Variants in ATP2C1 observed in about 807,000 individuals in gnomAD.
The protein encoded by ATP2C1 is ATPase secretory pathway Ca2+ transporting 1.
In ATP2C1, 31 loss-of-function variants were observed where a neutral mutation model predicts 120.5. That is an observed-to-expected ratio of 0.26 (90% CI 0.19 to 0.35). The LOEUF is 0.35. ATP2C1 is among the 10% of genes least tolerant of loss of function. The pLI is 1.00. For synonymous variants in ATP2C1, 351 were observed against 358.7 expected (o/e 0.98, Z 0.24); for missense variants, 731 against 1,107.5 (o/e 0.66, Z 4.83).
In ATP2C1 at chr3:130,894,567, G is replaced by T; in HGVS notation, c.-180-23G>T. ...CCTTCCTCAGCCTCTCGTCAGCGCC[G>T]CTTCTCCTGGTTTCTCTTGCAGATG... On this transcript the variant is annotated intron_variant, in intron 1 of 27. Transcript: ENST00000510168. The surrounding 1 kb of genome is among the most constrained non-coding windows in gnomAD (Gnocchi z 4.5). 7.7e-6 allele frequency: 11 copies of T among 1,433,284 alleles called. No homozygotes were observed. Among genetic ancestry groups the T allele is most frequent in the Non-Finnish European group, 1.0e-5 (11 of 1,092,782 alleles). 88.8% of individuals were successfully genotyped at this position (1,433,284 alleles called of 1,614,324 possible).
At chr3:130,905,093 C>T (rs1467893621) in intron 2 of ATP2C1, among the ~76,000 whole-genome samples, 3 of 151,928 alleles carry the variant, frequency 2.0e-5, no homozygotes, top group Non-Finnish European at 2.9e-5. Flanking sequence ...GCCATGGAAT[C>T]AACCATTTTT....
chr3:130,997,243 C>T (rs2062667714), intron 24 of ATP2C1, among the ~76,000 whole-genome samples: 1 of 152,050 alleles, frequency 6.6e-6, no homozygotes, highest in African/African-American at 2.4e-5. Context: ...GTCATTTGGC[C>T]ACTCCAGCAA....
chr3:130,974,318 A>G (rs2061453849), intron 17 of ATP2C1, among the ~76,000 whole-genome samples: 1 of 152,204 alleles, frequency 6.6e-6, no homozygotes, highest in African/African-American at 2.4e-5. Context: ...GTCCCCAAAT[A>G]TCTGCTCATT....
upstream of ATP2C1, among the ~76,000 whole-genome samples, chr3:130,893,457 G>A (rs112136224): frequency 5.2e-3 from 785 of 152,232 alleles, 6 homozygotes; most frequent in African/African-American, 0.018. Flanking sequence ...CGCGATTACC[G>A]GCTCCCCCAA....
chr3:131,009,529 G>A (rs2063238723), intron 26 of ATP2C1, among the ~76,000 whole-genome samples: 1 of 152,142 alleles, frequency 6.6e-6, no homozygotes, highest in Admixed American at 6.5e-5. Flanking sequence ...CTTCTTTCAT[G>A]TATTATCTCA....
chr3:130,995,727 G>A (rs969971048), intron 22 of ATP2C1, among the ~76,000 whole-genome samples: 73 of 152,212 alleles, frequency 4.8e-4, no homozygotes, highest in African/African-American at 1.6e-3. Flanking sequence ...TGCAACCTCC[G>A]CCTCCCGGGT....
intron 26 of ATP2C1, chr3:131,015,860 T>A (rs2063599226): frequency 2.0e-6 from 1 of 494,546 alleles, no homozygotes. Flanking sequence ...CTACCAATGA[T>A]TGCCTCCCCT....
At chr3:130,864,602 C>T (rs890226357) in intron 1 of ATP2C1, among the ~76,000 whole-genome samples, 1 of 152,218 alleles carries the variant, frequency 6.6e-6, no homozygotes, top group Non-Finnish European at 1.5e-5. Flanking sequence ...GTTTCGTGGG[C>T]TGGGCCCAGG....
chr3:130,894,557 C>T lies in ATP2C1; in HGVS notation c.-180-33C>T, dbSNP rs181664730. 9 of 1,425,096 alleles carry T rather than the reference C, an allele frequency of 6.3e-6. No homozygotes were observed. The highest frequency in any genetic ancestry group is 1.4e-5 in the African/African-American group (1 of 69,378). The allele number at this position is 1,425,096 out of a possible 1,614,324, so 88.3% of individuals were successfully genotyped here. ...GCGGGGAACTCCTTCCTCAGCCTCTCGTCAGCGCCGCTTCTCCTGGTTTCT... is the reference window on the plus strand; with the variant it reads ...GCGGGGAACTCCTTCCTCAGCCTCTTGTCAGCGCCGCTTCTCCTGGTTTCT... On this transcript the variant is annotated intron_variant, in intron 1 of 27. Coordinates refer to ENST00000510168, the MANE Select transcript of ATP2C1 (RefSeq NM_001378687.1). This position sits in a 1 kb window ranked among gnomAD's most constrained non-coding sequence, Gnocchi z 4.5.
At chr3:130,923,331 A>G (rs752455086) in intron 2 of ATP2C1, among the ~76,000 whole-genome samples, 1 of 151,776 alleles carries the variant, frequency 6.6e-6, no homozygotes, top group Non-Finnish European at 1.5e-5. Context: ...GGTTCAAGCA[A>G]TTCTCCTGCC....
intron 20 of ATP2C1, 161 bp from the exon 21 acceptor site, chr3:130,992,790 A>G: frequency 1.6e-6 from 1 of 644,568 alleles, no homozygotes; most frequent in Non-Finnish European, 2.8e-6. Flanking sequence ...ATGTCAGATT[A>G]ATGTCTTAAC....
chr3:130,957,374 C>T (rs763137797), intron 11 of ATP2C1, among the ~76,000 whole-genome samples: 85 of 152,016 alleles, frequency 5.6e-4, no homozygotes, highest in Admixed American at 2.6e-4. Flanking sequence ...AGAGTTTTAA[C>T]TTTTTTACTC....
At chr3:130,894,024 G>C (rs2069338246), upstream of ATP2C1, 28 of 986,464 alleles carry the variant, frequency 2.8e-5, no homozygotes, top group Non-Finnish European at 3.2e-5. This position sits in a 1 kb window ranked among gnomAD's most constrained non-coding sequence, Gnocchi z 4.5. Flanking sequence ...CAGGAGTGCG[G>C]GGCGCGACTG....
intron 4 of ATP2C1, among the ~76,000 whole-genome samples, chr3:130,933,713 A>G (rs1477549345): frequency 6.6e-6 from 1 of 152,184 alleles, no homozygotes; most frequent in African/African-American, 2.4e-5. Context: ...CCTTATGCCT[A>G]AAGATTTTGA....
At chr3:130,893,857 C>T (rs2069318776), upstream of ATP2C1, 6 of 920,480 alleles carry the variant, frequency 6.5e-6, no homozygotes, top group Non-Finnish European at 7.8e-6. Context: ...CCCGAGCGAC[C>T]TCCTACCGGA....
intron 1 of ATP2C1, among the ~76,000 whole-genome samples, chr3:130,858,298 C>T (rs2067909073): frequency 6.6e-6 from 1 of 152,212 alleles, no homozygotes; most frequent in Non-Finnish European, 1.5e-5. Flanking sequence ...TTAACCATCA[C>T]ACCCCCTGTT....
intron 1 of ATP2C1, among the ~76,000 whole-genome samples, chr3:130,872,549 A>G (rs1260442437): frequency 1.3e-5 from 2 of 151,486 alleles, no homozygotes; most frequent in Non-Finnish European, 2.9e-5. Context: ...ATTATTATTC[A>G]TGAGACTACA....
intron 25 of ATP2C1, 90 bp downstream of exon 25, chr3:130,997,843 G>A (rs2062701423): frequency 1.5e-6 from 2 of 1,334,558 alleles, no homozygotes; most frequent in South Asian, 1.2e-5. Context: ...CCAGAAGGCT[G>A]GGAAGTTAAG....
upstream of ATP2C1, chr3:130,894,047 C>T: frequency 3.0e-6 from 3 of 986,114 alleles, no homozygotes; most frequent in Non-Finnish European, 2.4e-6. The surrounding 1 kb of genome is among the most constrained non-coding windows in gnomAD (Gnocchi z 4.5). Context: ...CGGCCGGCGG[C>T]GGGGAGGGGC....
Sources: gnomAD v4.1 joint callset for allele counts (sites outside exome capture counted in the v4.1 genomes callset) on GRCh38, gnomAD v4.1.1 for gene constraint, Gnocchi (gnomAD v3.1) non-coding constraint, MANE v1.5 for transcripts, NCBI Gene and HGNC (gene_info 2026-07-23, HGNC 2026-07-21) for gene names.